Variants in STAU2 observed in about 807,000 individuals in gnomAD.
STAU2 encodes the protein staufen double-stranded RNA binding protein 2.
In STAU2, 20 loss-of-function variants were observed where a neutral mutation model predicts 65.9. The ratio of observed to expected loss-of-function variants is 0.30; its 90% CI spans 0.21 to 0.44. The LOEUF is 0.44. Among genes scored for constraint, STAU2 ranks in the 20% least tolerant of loss-of-function variants. The pLI, the probability that STAU2 is intolerant of heterozygous loss-of-function variation, is 1.00. For missense variants in STAU2, 558 were observed against 683.9 expected (o/e 0.82, Z 2.05); for synonymous variants, 232 against 233.9 (o/e 0.99, Z 0.07).
At chr8:73,699,075 T>C (rs1819895000) in intron 4 of STAU2, among the ~76,000 whole-genome samples, 1 of 151,890 alleles carries the variant, frequency 6.6e-6, no homozygotes. Flanking sequence ...AATTAAACAA[T>C]ATGCTCCTGA....
intron 3 of STAU2, among the ~76,000 whole-genome samples, chr8:73,712,161 C>T: frequency 6.6e-6 from 1 of 152,112 alleles, no homozygotes; most frequent in East Asian, 1.9e-4. Context: ...CACAGGTATG[C>T]ATTTTCAAAG....
At chr8:73,608,859 G>A (rs1223436381) in intron 9 of STAU2, among the ~76,000 whole-genome samples, 1 of 151,468 alleles carries the variant, frequency 6.6e-6, no homozygotes, top group Non-Finnish European at 1.5e-5. Context: ...GCATGGTGGT[G>A]GGCACCTGTA....
chr8:73,560,966 G>A (rs1808183418), intron 12 of STAU2, among the ~76,000 whole-genome samples: 1 of 151,966 alleles, frequency 6.6e-6, no homozygotes, highest in South Asian at 2.1e-4. Flanking sequence ...ATATAAACCT[G>A]GGTATGGTGA....
At chr8:73,588,594 G>C (rs1306984750) in intron 11 of STAU2, among the ~76,000 whole-genome samples, 1 of 152,194 alleles carries the variant, frequency 6.6e-6, no homozygotes, top group Non-Finnish European at 1.5e-5. Context: ...CGGGGGAAGG[G>C]TAGAAACAAA....
chr8:73,647,509 GC>G (rs1031211071), intron 6 of STAU2, among the ~76,000 whole-genome samples: 6 of 152,008 alleles, frequency 3.9e-5, no homozygotes, highest in African/African-American at 1.4e-4. Context: ...TAGTAGGGTA[GC>G]AGAGGTGAAG....
intron 13 of STAU2, among the ~76,000 whole-genome samples, chr8:73,486,583 C>T (rs1820916743): frequency 6.7e-6 from 1 of 148,546 alleles, no homozygotes; most frequent in Non-Finnish European, 1.5e-5. Flanking sequence ...TTTAGAAAAT[C>T]CTTTCTCTTT....
At chr8:73,474,445 C>T (rs958887727) in intron 13 of STAU2, among the ~76,000 whole-genome samples, 17 of 152,150 alleles carry the variant, frequency 1.1e-4, no homozygotes, top group Non-Finnish European at 1.5e-5. Flanking sequence ...GCATCTGAAA[C>T]TTTATCTTAC....
At chr8:73,650,614 T>A (rs772155419) in intron 6 of STAU2, among the ~76,000 whole-genome samples, 1 of 152,136 alleles carries the variant, frequency 6.6e-6, no homozygotes, top group Non-Finnish European at 1.5e-5. Context: ...GGTAGAATAT[T>A]TGCTACTTAT....
chr8:73,742,818 T>TA (rs1806980059), intron 1 of STAU2, among the ~76,000 whole-genome samples: 1 of 152,126 alleles, frequency 6.6e-6, no homozygotes, highest in Admixed American at 6.6e-5. Context: ...AATTATGAAT[T>TA]ACATTTTGCC....
At chr8:73,549,414 G>A (rs75673975) in intron 13 of STAU2, among the ~76,000 whole-genome samples, 2,798 of 152,042 alleles carry the variant, frequency 0.018, 47 homozygotes, top group South Asian at 0.06. Context: ...GTAAGTGTTC[G>A]GTCACATTCT....
chr8:73,580,719 T>A (rs1379413133), intron 12 of STAU2, among the ~76,000 whole-genome samples: 1 of 152,252 alleles, frequency 6.6e-6, no homozygotes, highest in African/African-American at 2.4e-5. Flanking sequence ...TCAAGGGGAC[T>A]CAGGTTTCAC....
At chr8:73,676,089 G>A (rs557749581) in intron 5 of STAU2, among the ~76,000 whole-genome samples, 129 of 152,014 alleles carry the variant, frequency 8.5e-4, no homozygotes, top group African/African-American at 2.7e-3. Context: ...AAATAAAAGG[G>A]AGAAAGCAAA....
chr8:73,488,258 T>A (rs1821011412), intron 13 of STAU2, among the ~76,000 whole-genome samples: 1 of 152,040 alleles, frequency 6.6e-6, no homozygotes, highest in African/African-American at 2.4e-5. Context: ...ATATATTATG[T>A]TCTGAATTTT....
At chr8:73,602,737 A>C (rs1168893145) in intron 10 of STAU2, among the ~76,000 whole-genome samples, 3 of 151,928 alleles carry the variant, frequency 2.0e-5, no homozygotes, top group East Asian at 1.9e-4. Context: ...CCAAAAAAAA[A>C]AAAAAACAAA....
chr8:73,622,557 C>G (rs77771054), intron 6 of STAU2, among the ~76,000 whole-genome samples: 3 of 152,198 alleles, frequency 2.0e-5, no homozygotes, highest in Admixed American at 2.0e-4. Context: ...GTCTGCCTAA[C>G]TGCAGAGTCC....
chr8:73,655,049 T>C (rs1287229448), intron 6 of STAU2, among the ~76,000 whole-genome samples: 1 of 152,214 alleles, frequency 6.6e-6, no homozygotes, highest in African/African-American at 2.4e-5. Flanking sequence ...AATGTACACC[T>C]CTTCTGCATT....
At chr8:73,478,899 T>C (rs1585841740) in intron 13 of STAU2, among the ~76,000 whole-genome samples, 1 of 152,178 alleles carries the variant, frequency 6.6e-6, no homozygotes, top group Non-Finnish European at 1.5e-5. Context: ...CGGATGGCTA[T>C]ATTTTAAATT....
At chr8:73,528,603 T>C (rs556371972) in intron 13 of STAU2, among the ~76,000 whole-genome samples, 2 of 152,116 alleles carry the variant, frequency 1.3e-5, no homozygotes, top group Non-Finnish European at 2.9e-5. Context: ...TTAATGAAAA[T>C]ATGCTTATAG....
chr8:73,686,189 T>C (rs904877557), intron 5 of STAU2, among the ~76,000 whole-genome samples: 5 of 152,070 alleles, frequency 3.3e-5, no homozygotes, highest in Admixed American at 6.5e-5. Context: ...CCAAAGCAGA[T>C]GGATCACGAA....
Sources: allele counts gnomAD v4.1 joint callset (sites outside exome capture counted in the v4.1 genomes callset), GRCh38; gene constraint gnomAD v4.1.1; transcripts MANE v1.5; gene names NCBI Gene and HGNC (gene_info 2026-07-23, HGNC 2026-07-21).